GNG12: variants seen among roughly 807,000 people sequenced by gnomAD.
The protein encoded by GNG12 is guanine nucleotide-binding protein G(I)/G(S)/G(O) subunit gamma-12.
For synonymous variants in GNG12, 28 were observed against 29.7 expected (o/e 0.94, Z 0.19); for missense variants, 69 against 83.8 (o/e 0.82, Z 0.69).
chr1:67,714,079 G>T (rs1318437484), intron 2 of GNG12, among the ~76,000 whole-genome samples: 1 of 152,134 alleles, frequency 6.6e-6, no homozygotes, highest in African/African-American at 2.4e-5. Flanking sequence ...TGTTTGGTTG[G>T]GCCCCATACA....
chr1:67,744,565 G>A (rs757119740), intron 2 of GNG12, among the ~76,000 whole-genome samples: 20 of 152,292 alleles, frequency 1.3e-4, no homozygotes, highest in South Asian at 2.1e-4. Context: ...TTAGTGCAGC[G>A]CCATGGAAAT....
intron 1 of GNG12, among the ~76,000 whole-genome samples, chr1:67,803,705 C>T (rs1444474562): frequency 6.6e-6 from 1 of 152,180 alleles, no homozygotes; most frequent in Admixed American, 6.5e-5. Context: ...ATGTAGATAG[C>T]ATATCCAATG....
chr1:67,716,381 T>C (rs1029240695), intron 2 of GNG12, among the ~76,000 whole-genome samples: 1 of 152,230 alleles, frequency 6.6e-6, no homozygotes, highest in Non-Finnish European at 1.5e-5. Flanking sequence ...ATAATAAAGA[T>C]AATAAGTTAT....
chr1:67,726,444 G>A (rs1646386939), intron 2 of GNG12, among the ~76,000 whole-genome samples: 3 of 152,228 alleles, frequency 2.0e-5, no homozygotes, highest in South Asian at 4.1e-4. Context: ...AACAACATAT[G>A]CCTTGGGTTG....
intron 1 of GNG12, among the ~76,000 whole-genome samples, chr1:67,778,387 G>A (rs547194776): frequency 6.6e-6 from 1 of 152,226 alleles, no homozygotes; most frequent in South Asian, 2.1e-4. Context: ...CACAGGTCTA[G>A]GGAACCTATT....
At chr1:67,803,228 A>G (rs201868676) in intron 1 of GNG12, among the ~76,000 whole-genome samples, 1 of 69,798 alleles carries the variant, frequency 1.4e-5, no homozygotes, top group Non-Finnish European at 2.9e-5. Context: ...ATTTAAAGTT[A>G]GTTGGTTGGG....
intron 1 of GNG12, among the ~76,000 whole-genome samples, chr1:67,803,196 T>C (rs145566195): frequency 6.6e-5 from 10 of 150,720 alleles, no homozygotes; most frequent in Non-Finnish European, 1.3e-4. Context: ...TTGATATTTA[T>C]CCCATTAGGG....
chr1:67,721,372 C>T (rs534669072), intron 2 of GNG12, among the ~76,000 whole-genome samples: 21 of 152,266 alleles, frequency 1.4e-4, no homozygotes, highest in Admixed American at 3.9e-4. Context: ...GCATGAGCAT[C>T]GCCTGGGAGC....
chr1:67,788,446 T>C (rs1016675463), intron 1 of GNG12, among the ~76,000 whole-genome samples: 5 of 151,998 alleles, frequency 3.3e-5, no homozygotes, highest in African/African-American at 1.2e-4. Context: ...CACACAATCC[T>C]CTTGAGTTTC....
chr1:67,756,419 G>T (rs564238137), intron 2 of GNG12, among the ~76,000 whole-genome samples: 1 of 152,220 alleles, frequency 6.6e-6, no homozygotes, highest in African/African-American at 2.4e-5. Flanking sequence ...AATACCACAG[G>T]TTTCTCAGGC....
chr1:67,790,554 T>C (rs1646795983), intron 1 of GNG12, among the ~76,000 whole-genome samples: 1 of 152,030 alleles, frequency 6.6e-6, no homozygotes, highest in South Asian at 2.1e-4. Flanking sequence ...TATTTATGTA[T>C]CTGCATCGAC....
At chr1:67,817,455 G>A (rs1256255763) in intron 1 of GNG12, among the ~76,000 whole-genome samples, 1 of 152,206 alleles carries the variant, frequency 6.6e-6, no homozygotes, top group Non-Finnish European at 1.5e-5. Context: ...TGGCAGAGCT[G>A]GGCTTTGGCT....
chr1:67,792,296 A>T (rs1035904988), intron 1 of GNG12, among the ~76,000 whole-genome samples: 2 of 150,782 alleles, frequency 1.3e-5, no homozygotes, highest in African/African-American at 4.8e-5. Context: ...TCAAGAAAAA[A>T]TACACATTTT....
intron 2 of GNG12, among the ~76,000 whole-genome samples, chr1:67,772,121 A>G (rs1368224072): frequency 1.3e-5 from 2 of 152,208 alleles, no homozygotes; most frequent in African/African-American, 4.8e-5. Flanking sequence ...GTAGGCATGG[A>G]GTCCTGTGAC....
chr1:67,733,257 T>C (rs909024992), intron 2 of GNG12, among the ~76,000 whole-genome samples: 2 of 152,340 alleles, frequency 1.3e-5, no homozygotes, highest in Admixed American at 1.3e-4. Flanking sequence ...CCTTTTCTTC[T>C]TCTTTTTTTA....
chr1:67,790,783 T>C (rs1034910034), intron 1 of GNG12, among the ~76,000 whole-genome samples: 2 of 152,092 alleles, frequency 1.3e-5, no homozygotes, highest in African/African-American at 2.4e-5. Context: ...GTCTGGCTAA[T>C]TTTTGTATTT....
At chr1:67,739,146 T>C (rs901758920) in intron 2 of GNG12, among the ~76,000 whole-genome samples, 1 of 152,144 alleles carries the variant, frequency 6.6e-6, no homozygotes, top group African/African-American at 2.4e-5. Flanking sequence ...ACCATTGCAC[T>C]CTAGGCTGGG....
chr1:67,780,755 AAGCAACTCGG>A (rs1342994952), intron 1 of GNG12, among the ~76,000 whole-genome samples: 38 of 152,216 alleles, frequency 2.5e-4, no homozygotes, highest in South Asian at 1.0e-3. Context: ...GAGGGAGAAG[AAGCAACTCGG>A]AGCAACTCGG....
intron 1 of GNG12, among the ~76,000 whole-genome samples, chr1:67,823,673 T>G (rs906226193): frequency 6.6e-6 from 1 of 152,250 alleles, no homozygotes; most frequent in African/African-American, 2.4e-5. Context: ...CTGACACTTT[T>G]ATGGCCATTG....
Sources: gnomAD v4.1 joint callset for allele counts (sites outside exome capture counted in the v4.1 genomes callset) on GRCh38, gnomAD v4.1.1 for gene constraint, MANE v1.5 for transcripts, NCBI Gene and HGNC (gene_info 2026-07-23, HGNC 2026-07-21) for gene names.